The following KANSL1 variants were observed in gnomAD, a reference collection of about 807,000 sequenced individuals.
The protein encoded by KANSL1 is MLL1/MLL complex subunit KANSL1.
In KANSL1, 22 loss-of-function variants were observed where a neutral mutation model predicts 103.6. That is an observed-to-expected ratio of 0.21 (90% confidence interval 0.15 to 0.30). The LOEUF (loss-of-function observed/expected upper bound fraction) is 0.30, where lower values mean the gene tolerates loss of function less well. Ranked by LOEUF, KANSL1 falls within the 10% of genes least tolerant of loss-of-function variation. The pLI, the probability that KANSL1 is intolerant of heterozygous loss-of-function variation, is 1.00. For missense variants in KANSL1, 1,337 were observed against 1,399.8 expected (o/e 0.96, Z 0.72); for synonymous variants, 600 against 527.6 (o/e 1.14, Z -1.88).
chr17:46,049,639 A>G (rs2077641629), intron 7 of KANSL1: 1 of 152,112 alleles, frequency 6.6e-6, no homozygotes, highest in South Asian at 2.1e-4. Context: ...ACTCTGGGGC[A>G]AGACCCATAG....
intron 8 of KANSL1, 98 bp downstream of exon 8, chr17:46,039,603 TC>T: frequency 7.4e-7 from 1 of 1,360,200 alleles, no homozygotes. Flanking sequence ...CAACTGCCTC[TC>T]CCAACCCCAA....
chr17:46,040,005 G>A (rs2077265601), intron 7 of KANSL1, 121 bp from the exon 8 acceptor site: 2 of 806,742 alleles, frequency 2.5e-6, no homozygotes, highest in Non-Finnish European at 4.1e-6. Context: ...GGCAAGTGCT[G>A]TCATATGGAA....
upstream of KANSL1, among the ~76,000 whole-genome samples, chr17:46,224,404 G>C (rs568447059): frequency 4.0e-4 from 61 of 151,198 alleles, no homozygotes; most frequent in Non-Finnish European, 6.9e-4. Flanking sequence ...TAGGATCCTC[G>C]TTCAAGTCCT....
intron 2 of KANSL1, among the ~76,000 whole-genome samples, chr17:46,112,510 C>A (rs1423682312): frequency 3.3e-5 from 5 of 151,244 alleles, no homozygotes; most frequent in African/African-American, 1.2e-4. Context: ...CATGGTGAAA[C>A]CCCATCTCTA....
At chr17:46,044,398 C>G (rs925648613) in intron 7 of KANSL1, 1 of 152,254 alleles carries the variant, frequency 6.6e-6, no homozygotes, top group African/African-American at 2.4e-5. Flanking sequence ...TTACTTTCCA[C>G]CATTTTCTCA....
At chr17:46,112,704 A>G (rs1202514311) in intron 2 of KANSL1, among the ~76,000 whole-genome samples, 2 of 145,944 alleles carry the variant, frequency 1.4e-5, no homozygotes, top group Admixed American at 1.4e-4. Flanking sequence ...ACAAAACAAA[A>G]CAAAAAACTG....
intron 2 of KANSL1, among the ~76,000 whole-genome samples, chr17:46,134,801 T>C (rs372210894): frequency 9.2e-5 from 14 of 151,460 alleles, no homozygotes; most frequent in Admixed American, 2.6e-4. Flanking sequence ...GCTAAGGTGG[T>C]GCCACTGCAC....
At chr17:46,065,360 C>G (rs762293573) in intron 6 of KANSL1, among the ~76,000 whole-genome samples, 3 of 152,108 alleles carry the variant, frequency 2.0e-5, no homozygotes, top group African/African-American at 2.4e-5. Context: ...AGGGTAAGCA[C>G]TTTTGTCTGT....
chr17:46,160,943 A>T (rs1438042229), intron 2 of KANSL1, among the ~76,000 whole-genome samples: 1 of 152,234 alleles, frequency 6.6e-6, no homozygotes, highest in East Asian at 1.9e-4. Context: ...TCCATTCTGC[A>T]GTTTGAGTCT....
At chr17:46,055,427 T>C (rs1309087800) in intron 6 of KANSL1, among the ~76,000 whole-genome samples, 3 of 148,816 alleles carry the variant, frequency 2.0e-5, no homozygotes, top group Admixed American at 6.8e-5. Flanking sequence ...ATCGCACCAC[T>C]GCACTCCAGC....
intron 4 of KANSL1, among the ~76,000 whole-genome samples, chr17:46,072,463 A>G (rs563394564): frequency 6.6e-6 from 1 of 152,280 alleles, no homozygotes; most frequent in East Asian, 1.9e-4. Context: ...TAACTGGGTG[A>G]CAGGAATTTA....
At chr17:46,170,613 TTC>T (rs781157776) in intron 2 of KANSL1, 1 of 504,446 alleles carries the variant, frequency 2.0e-6, no homozygotes. Flanking sequence ...CTAGTTATTT[TTC>T]TTAGACTTCA....
At chr17:46,135,000 T>C (rs1038680387) in intron 2 of KANSL1, among the ~76,000 whole-genome samples, 1 of 152,192 alleles carries the variant, frequency 6.6e-6, no homozygotes, top group African/African-American at 2.4e-5. Context: ...CATCTTCCAA[T>C]AATGAATTCT....
chr17:46,135,448 C>A (rs2044081846), intron 2 of KANSL1, among the ~76,000 whole-genome samples: 1 of 151,992 alleles, frequency 6.6e-6, no homozygotes, highest in Admixed American at 6.6e-5. Flanking sequence ...ACGAGAGATA[C>A]AACCAAGGAT....
intron 4 of KANSL1, among the ~76,000 whole-genome samples, chr17:46,072,765 G>A (rs2078623842): frequency 6.6e-6 from 1 of 152,166 alleles, no homozygotes; most frequent in Non-Finnish European, 1.5e-5. Context: ...TCTGCAGGTT[G>A]AGGATAAAAG....
intron 2 of KANSL1, among the ~76,000 whole-genome samples, chr17:46,102,491 C>A (rs1217612528): frequency 6.6e-6 from 1 of 152,118 alleles, no homozygotes; most frequent in African/African-American, 2.4e-5. Context: ...CTCAAATGAT[C>A]CGTCTGCCTC....
intron 2 of KANSL1, among the ~76,000 whole-genome samples, chr17:46,146,811 C>G (rs2044729032): frequency 7.7e-6 from 1 of 129,554 alleles, no homozygotes; most frequent in South Asian, 2.3e-4. Flanking sequence ...CCAGCCTGGG[C>G]GACAGAGCGA....
intron 1 of KANSL1, among the ~76,000 whole-genome samples, chr17:46,190,635 T>A (rs2047269831): frequency 1.3e-5 from 2 of 152,240 alleles, no homozygotes; most frequent in Non-Finnish European, 2.9e-5. Context: ...GTGACAACCA[T>A]CTTCACCATA....
intron 13 of KANSL1, 32 bp downstream of exon 13, chr17:46,033,048 C>T: frequency 6.6e-7 from 1 of 1,518,200 alleles, no homozygotes; most frequent in Non-Finnish European, 8.9e-7. Context: ...CCTCTCTCCA[C>T]AGGCCCTGGG....
Sources: allele counts gnomAD v4.1 joint callset (sites outside exome capture counted in the v4.1 genomes callset), GRCh38; gene constraint gnomAD v4.1.1; transcripts MANE v1.5; gene names NCBI Gene and HGNC (gene_info 2026-07-23, HGNC 2026-07-21).